SMG1: variants seen among roughly 807,000 people sequenced by gnomAD.
The protein encoded by SMG1 is SMG1 nonsense mediated mRNA decay associated PI3K related kinase.
Under a neutral mutation model 419.9 loss-of-function variants are expected in SMG1, and 22 were observed. That is an observed-to-expected ratio of 0.05 (90% CI 0.04 to 0.07). The LOEUF (loss-of-function observed/expected upper bound fraction) is 0.07, where lower values mean the gene tolerates loss of function less well. SMG1 is among the 10% of genes least tolerant of loss of function. SMG1 has a pLI of 1.00. For synonymous variants in SMG1, 1,538 were observed against 1,553.5 expected (o/e 0.99, Z 0.23); for missense variants, 3,185 against 4,342.0 (o/e 0.73, Z 7.49).
rs748279162 is a variant in SMG1 at position 18,863,748 on chromosome 16, A to G, written c.3597T>C (p.Asp1199=). 3.8e-6 allele frequency: 6 copies of G among 1,581,780 alleles called. No homozygotes were observed. In the East Asian group the frequency reaches 8.9e-5, roughly 24 times the overall value. ...KACECYISIA[D]WAAVQEWQNA... is the part of the protein sequence containing the mutation. The stretch of plus-strand genomic sequence containing the variant: ...TCTGCCATTCCTGCACAGCAGCCCA[A>G]TCGGCAATTGAGATGTAGCACTCAC... Residue 1199 remains aspartate (D), a synonymous_variant, in exon 25 of 63, where the codon GAT becomes GAC. Transcript: ENST00000446231.
At chr16:18,884,900 G>C (rs375364280) in intron 8 of SMG1, 190 bp downstream of exon 8, 198 of 589,946 alleles carry the variant, frequency 3.4e-4, no homozygotes, top group African/African-American at 1.2e-3. Flanking sequence ...TGTACTTACT[G>C]TACCCACCTA....
chr16:18,837,493 G>C lies in SMG1; in HGVS notation c.7414-50C>G, dbSNP rs773798573. On this transcript the variant is annotated intron_variant, in intron 45 of 62. Transcript: ENST00000446231. ...AAGACTCTTACAGGGCCAATTTTGA[G>C]ACACAACAGTGTCAGAAGAACATTT... 6.8e-6 allele frequency: 10 copies of C among 1,479,820 alleles called. No individual in the cohort carries two copies. In the Admixed American group the frequency reaches 2.0e-4, roughly 29 times the overall value. The allele number at this position is 1,479,820 out of a possible 1,614,324, so 91.7% of individuals were successfully genotyped here.
intron 6 of SMG1, among the ~76,000 whole-genome samples, chr16:18,888,657 G>A (rs545758583): frequency 2.0e-5 from 3 of 151,186 alleles, no homozygotes; most frequent in East Asian, 3.9e-4. Flanking sequence ...TAGTAGAGAC[G>A]GGGTTTCACC....
rs763183950 is a variant in SMG1, at chr16:18,829,473, T to C, written c.9416A>G (p.Lys3139Arg). The C allele has an allele frequency of 3.1e-6, 5 of 1,613,932 alleles. No individual in the cohort carries two copies. Among genetic ancestry groups the C allele is most frequent in the Non-Finnish European group, 4.2e-6 (5 of 1,179,902 alleles). The change falls in exon 54 of 63, where the codon AAG becomes AGG. Residue 3139 changes from lysine (K) to arginine (R), a missense_variant. By Grantham distance (26) the Lys-to-Arg change is conservative (BLOSUM62 2). Around this residue, in one of 27 missense-constraint regions of SMG1, gnomAD observed 737 missense variants for 846.6 expected, o/e 0.87. Transcript: ENST00000446231. ...CTGGATGTTATGTTCCACCGCTTTC[T>C]TACAGAGATCATCAACAGAAACTTT... ...ESKVSVDDLC[K>R]KAVEHNIQIG...
chr16:18,807,742 C>CA lies in SMG1; in HGVS notation c.*1826dup, dbSNP rs751919129. On this transcript the variant is annotated 3_prime_UTR_variant, in exon 63 of 63. Coordinates refer to ENST00000446231, the MANE Select transcript of SMG1 (RefSeq NM_015092.5). ...CTCTAAAATGCAGGGAAAATGTACT[C>CA]AAACAATTTTTTTTTTTATCTAGTC... 2.0e-5 allele frequency: 3 copies of CA among 151,948 alleles called. No individual in the cohort carries two copies. Among genetic ancestry groups the CA allele is most frequent in the Admixed American group, 1.3e-4 (2 of 15,242 alleles). 9.4% of individuals were successfully genotyped at this position (151,948 alleles called of 1,614,324 possible).
chr16:18,852,203 T>C lies in SMG1; in HGVS notation c.4916A>G (p.Gln1639Arg), dbSNP rs2034642577. ...AGGCAGCAGACGAACACCTTCTCCC[T>C]GACTATAAAAATAAACAAGTCATCA... ...WGRKVVDNAS[Q>R]GEGVRLLPRE... The change falls in exon 33 of 63, where the codon CAG becomes CGG. Residue 1639 changes from glutamine to arginine, a missense_variant and splice_region_variant. This residue lies in a region of SMG1 where 493 missense variants were observed against 552.9 expected (regional missense o/e 0.89). Transcript: ENST00000446231. 2 of 1,611,312 alleles carry C rather than the reference T, an allele frequency of 1.2e-6. No homozygotes were observed. The highest frequency in any genetic ancestry group is 1.7e-6 in the Non-Finnish European group (2 of 1,179,072).
intron 32 of SMG1, 22 bp downstream of exon 32, chr16:18,852,296 T>C: frequency 6.2e-7 from 1 of 1,605,518 alleles, no homozygotes; most frequent in Non-Finnish European, 8.5e-7. Context: ...AATGCATAAA[T>C]AAACTACACA....
chr16:18,899,432 T>C (rs1408048523), intron 1 of SMG1, among the ~76,000 whole-genome samples: 1 of 152,134 alleles, frequency 6.6e-6, no homozygotes, highest in East Asian at 1.9e-4. Flanking sequence ...AACTCCCTAG[T>C]TGCCAAATTA....
In SMG1 at chr16:18,847,994, T is replaced by C. The variant is rs549053810; in HGVS notation, c.5663A>G (p.Asn1888Ser). ...AACCAGCAATTCTTCTCCTTGAATA[T>C]TGCCAAGTAAAGTTGGAATTGCAGT... ...FSTAIPTLLG[N>S]IQGEELLVSE... The change falls in exon 37 of 63, where the codon AAT becomes AGT. Residue 1888 changes from asparagine (N) to serine (S), a missense_variant. By Grantham distance (46) the Asn-to-Ser change is conservative. This residue lies in a region of SMG1 where 130 missense variants were observed against 162.0 expected (regional missense o/e 0.80). Transcript: ENST00000446231. 1.4e-5 allele frequency: 22 copies of C among 1,613,944 alleles called. No homozygotes were observed. The South Asian group carries it at 1.6e-4, about 12-fold the overall frequency.
At chr16:18,840,000 A>G (rs1209316262) in intron 41 of SMG1, 54 bp from the exon 42 acceptor site, 5 of 1,384,046 alleles carry the variant, frequency 3.6e-6, no homozygotes, top group Non-Finnish European at 4.9e-6. Context: ...ATATAAGGAA[A>G]AAGAGTGCCT....
At chr16:18,834,057 C>T (rs1461963288) in intron 50 of SMG1, 147 bp downstream of exon 50, 1 of 643,716 alleles carries the variant, frequency 1.6e-6, no homozygotes, top group East Asian at 2.8e-5. Flanking sequence ...CAAGTTATAG[C>T]TATAAATCTC....
Position 18,853,595 on chromosome 16 carries a change from T to C in SMG1, c.4756A>G (p.Ser1586Gly), listed in dbSNP as rs1157150647. 1.3e-6 allele frequency: 2 copies of C among 1,596,774 alleles called. No homozygotes were observed. Among genetic ancestry groups the C allele is most frequent in the Non-Finnish European group, 8.5e-7 (1 of 1,170,282 alleles). ...AAAGCAACTCTACCTGTAGATTCAC[T>C]CTCGATCCGAGGATACTCTTCTTCC... ...TMEEEYPRIE[S>G]ESTVHIGVGE... The change falls in exon 31 of 63, where the codon AGT (serine) becomes GGT (glycine). Residue 1586 changes from serine to glycine, a missense_variant. Ser to Gly is a moderately conservative substitution (Grantham distance 56). Coordinates refer to ENST00000446231, the MANE Select transcript of SMG1 (RefSeq NM_015092.5).
Position 18,876,164 on chromosome 16 carries a change from G to A in SMG1, c.1850C>T (p.Ala617Val). The A allele has an allele frequency of 1.2e-6, 2 of 1,611,758 alleles. No individual in the cohort carries two copies. The highest frequency in any genetic ancestry group is 1.7e-6 in the Non-Finnish European group (2 of 1,179,690). Residue 617 changes from alanine (A) to valine (V), a missense_variant, in exon 13 of 63, where the codon GCC (alanine) becomes GTC (valine). Physicochemically the swap from Ala to Val is moderately conservative, Grantham distance 64. This residue lies in a region of SMG1 where 297 missense variants were observed against 491.0 expected (regional missense o/e 0.60). Coordinates refer to ENST00000446231, the MANE Select transcript of SMG1 (RefSeq NM_015092.5). ...TTTGGCATTTCCAATTGTAGTCAGG[G>A]CACTGAGGTCAAATATAACTACAAA... ...AKFVVIFDLS[A>V]LTTIGNAKNS...
intron 3 of SMG1, among the ~76,000 whole-genome samples, chr16:18,895,816 T>C (rs1030109450): frequency 5.3e-5 from 8 of 152,228 alleles, no homozygotes; most frequent in East Asian, 3.8e-4. Context: ...TCCACGATAA[T>C]TGGGTAAACC....
At chr16:18,832,582 GCACACACACACACA>G (rs3222694) in intron 51 of SMG1, among the ~76,000 whole-genome samples, 10 of 148,394 alleles carry the variant, frequency 6.7e-5, no homozygotes, top group African/African-American at 2.0e-4. Flanking sequence ...CTATACACTT[GCACACACACACACA>G]CACACACACA....
In SMG1 at chr16:18,859,172, T is replaced by C. The variant is rs1337790965; in HGVS notation, c.3963A>G (p.Val1321=). 3 of 1,533,146 alleles carry C rather than the reference T, an allele frequency of 2.0e-6. No homozygotes were observed. The highest frequency in any genetic ancestry group is 2.4e-5 in the South Asian group (2 of 83,918). The allele number at this position is 1,533,146 out of a possible 1,614,324, so 95.0% of individuals were successfully genotyped here. Residue 1321 remains valine (V), a synonymous_variant, in exon 28 of 63, where the codon GTA becomes GTG. Transcript: ENST00000446231. The stretch of plus-strand genomic sequence containing the variant: ...TGCGGGATGTTTGCTTCAAGTACTT[T>C]ACCACATTTCTGAAACAAAATATTT... The part of the protein sequence containing the change: ...QKWQSITENV[V]KYLKQTSRIA...
chr16:18,891,307 T>C (rs1371724229), intron 4 of SMG1, among the ~76,000 whole-genome samples: 1 of 152,204 alleles, frequency 6.6e-6, no homozygotes, highest in Non-Finnish European at 1.5e-5. Flanking sequence ...AATGTCAAAT[T>C]CTTTCAACTT....
intron 49 of SMG1, 30 bp from the exon 50 acceptor site, chr16:18,834,468 A>C: frequency 1.9e-6 from 3 of 1,587,076 alleles, no homozygotes; most frequent in Non-Finnish European, 2.6e-6. Flanking sequence ...GTACAGTGAA[A>C]CTTAAATGTA....
intron 7 of SMG1, 94 bp from the exon 8 acceptor site, chr16:18,885,256 G>A (rs2036565862): frequency 3.0e-6 from 2 of 664,208 alleles, no homozygotes; most frequent in Non-Finnish European, 5.1e-6. Flanking sequence ...CCTAAAAGGA[G>A]CATCTATGTT....
Sources: gnomAD v4.1 joint callset for allele counts (sites outside exome capture counted in the v4.1 genomes callset) on GRCh38, gnomAD v4.1.1 for gene constraint, gnomAD v4.1.1 regional missense constraint, MANE v1.5 for transcripts, NCBI Gene and HGNC (gene_info 2026-07-23, HGNC 2026-07-21) for gene names.